ABHD2: variants seen among roughly 807,000 people sequenced by gnomAD.
ABHD2 encodes abhydrolase domain containing 2, acylglycerol lipase, also known as monoacylglycerol lipase ABHD2.
Under a neutral mutation model 48.1 loss-of-function variants are expected in ABHD2, and 20 were observed. The observed-to-expected ratio is 0.42, with a 90% CI of 0.29 to 0.60. The LOEUF (loss-of-function observed/expected upper bound fraction) is 0.60, where lower values mean the gene tolerates loss of function less well. Ranked by LOEUF, ABHD2 falls within the 20% of genes least tolerant of loss-of-function variation. ABHD2 has a pLI of 0.24. For missense variants in ABHD2, 405 were observed against 550.9 expected (o/e 0.74, Z 2.65); for synonymous variants, 209 against 214.2 (o/e 0.98, Z 0.21).
At chr15:89,073,461 A>AT in the ABHD2 span, among the ~76,000 whole-genome samples, 1 of 152,008 alleles carries the variant, frequency 6.6e-6, no homozygotes, top group Non-Finnish European at 1.5e-5. Flanking sequence ...ATGCCTGGTA[A>AT]TTTTTTTGTA....
rs1197231006 is a variant in ABHD2, at chr15:89,195,368, A to G, written c.1223A>G (p.Glu408Gly). The change falls in exon 11 of 11, where the codon GAG becomes GGG. Residue 408 changes from glutamate (E) to glycine (G), a missense_variant. Glu to Gly is a moderately conservative substitution (Grantham distance 98, BLOSUM62 -2). Coordinates refer to ENST00000352732, the MANE Select transcript of ABHD2 (RefSeq NM_152924.5). This position sits in a 1 kb window ranked among gnomAD's most constrained non-coding sequence, Gnocchi z 5.1. ...TACGCCAACGCCATTTGCCAATGGG[A>G]GCGTAACAAGTTGCAGTGCTCTGAC... ...VEYANAICQW[E>G]RNKLQCSDTE... 2 of 1,614,032 alleles carry G rather than the reference A, an allele frequency of 1.2e-6. No homozygotes were observed. Among genetic ancestry groups the G allele is most frequent in the Non-Finnish European group, 1.7e-6 (2 of 1,180,050 alleles).
intron 6 of ABHD2, chr15:89,183,380 AAAAAATATATATATATAT>A (rs1236513157): frequency 5.1e-5 from 3 of 58,412 alleles, no homozygotes; most frequent in Non-Finnish European, 6.5e-5. Context: ...AAAAAAAAAA[AAAAAATATATATATATAT>A]ATATATATAT....
intron 6 of ABHD2, among the ~76,000 whole-genome samples, chr15:89,180,351 A>C (rs571090657): frequency 4.6e-5 from 7 of 152,218 alleles, no homozygotes; most frequent in Admixed American, 3.9e-4. Flanking sequence ...CTGCAAAAGG[A>C]AAAGATTCTG....
intron 1 of ABHD2, among the ~76,000 whole-genome samples, chr15:89,101,999 A>G (rs293380): frequency 0.49 from 75,077 of 152,050 alleles, 20,204 homozygotes; most frequent in African/African-American, 0.71. Flanking sequence ...GCACCTGTGT[A>G]GCGTCATTTT....
the ABHD2 span, among the ~76,000 whole-genome samples, chr15:89,069,195 A>C: frequency 6.7e-6 from 1 of 148,836 alleles, no homozygotes; most frequent in African/African-American, 2.5e-5. Context: ...GCACAATCAT[A>C]GCTCACTGCA....
the ABHD2 span, among the ~76,000 whole-genome samples, chr15:89,044,762 T>C: frequency 6.6e-6 from 1 of 152,306 alleles, no homozygotes; most frequent in Admixed American, 6.5e-5. Flanking sequence ...TTTGTTTTTT[T>C]CTTGTAAATT....
Position 89,184,343 on chromosome 15 carries a change from A to C in ABHD2, c.723-1081A>C, listed in dbSNP as rs2051169304. Among the ~76,000 whole-genome samples, 1 of 152,188 alleles carries C rather than the reference A, an allele frequency of 6.6e-6. No homozygotes were observed. Among genetic ancestry groups the C allele is most frequent in the Non-Finnish European group, 1.5e-5 (1 of 68,044 alleles). ...AAAAAATAATAAAAAACAAAACAAA[A>C]AACCTTACAAACCACCTGGTCCCCT... On this transcript the variant is annotated intron_variant, in intron 6 of 10. Transcript: ENST00000352732. This position sits in a 1 kb window ranked among gnomAD's most constrained non-coding sequence, Gnocchi z 5.1.
rs2050856961 is a variant in ABHD2, at chr15:89,167,571, CA to C, written c.539-8240del. 6.6e-6 allele frequency among the ~76,000 whole-genome samples: 1 copy of C among 152,136 alleles called. No individual in the cohort carries two copies. Among genetic ancestry groups the C allele is most frequent in the Non-Finnish European group, 1.5e-5 (1 of 68,020 alleles). On this transcript the variant is annotated intron_variant, in intron 5 of 10. Coordinates refer to ENST00000352732, the MANE Select transcript of ABHD2 (RefSeq NM_152924.5). This position sits in a 1 kb window ranked among gnomAD's most constrained non-coding sequence, Gnocchi z 5.5. ...ATATCTGAATACTTAAACCTTTAGC[CA>C]TAAGAGGGCAGTTTTAGGCATCCTA...
In ABHD2 at chr15:89,167,657, G is replaced by A. The variant is rs575181633; in HGVS notation, c.539-8155G>A. On this transcript the variant is annotated intron_variant, in intron 5 of 10. Transcript: ENST00000352732. This position sits in a 1 kb window ranked among gnomAD's most constrained non-coding sequence, Gnocchi z 5.5. ...TTAAAATCCTTATTTCAGAGATAAG[G>A]GCAAGGCCAACTAATTTGATAGCAC... Among the ~76,000 whole-genome samples the A allele has an allele frequency of 1.3e-5, 2 of 152,232 alleles. No individual in the cohort carries two copies. Among genetic ancestry groups the A allele is most frequent in the South Asian group, 4.2e-4 (2 of 4,812 alleles).
Position 89,186,248 on chromosome 15 carries a change from T to C in ABHD2, c.815+732T>C, listed in dbSNP as rs950619118. ...GTTTCGGCGCCTCCCTGCTCGGAGTTTGAGCCTCTCCTTATTCTTCATGCT... is the reference window on the plus strand; with the variant it reads ...GTTTCGGCGCCTCCCTGCTCGGAGTCTGAGCCTCTCCTTATTCTTCATGCT... On this transcript the variant is annotated intron_variant, in intron 7 of 10. Coordinates refer to ENST00000352732, the MANE Select transcript of ABHD2 (RefSeq NM_152924.5). This position sits in a 1 kb window ranked among gnomAD's most constrained non-coding sequence, Gnocchi z 4.3. 2.0e-5 allele frequency among the ~76,000 whole-genome samples: 3 copies of C among 152,192 alleles called. No homozygotes were observed. The highest frequency in any genetic ancestry group is 4.4e-5 in the Non-Finnish European group (3 of 68,046).
chr15:89,084,402 C>A (rs964275626), upstream of ABHD2, among the ~76,000 whole-genome samples: 3 of 152,086 alleles, frequency 2.0e-5, no homozygotes, highest in African/African-American at 7.2e-5. The surrounding 1 kb of genome is among the most constrained non-coding windows in gnomAD (Gnocchi z 4.4). Context: ...TAGGTTCAAG[C>A]GATTCTCCTG....
rs943652214 is a variant in ABHD2 at position 89,094,957 on chromosome 15, G to A, written c.-107+6394G>A. Reference sequence around the variant, plus strand: ...TTCACACTCAGAATCCCAGCTACTCGGGAAGCTGAAGCAGGAGAATCACTT... The same window carrying A: ...TTCACACTCAGAATCCCAGCTACTCAGGAAGCTGAAGCAGGAGAATCACTT... On this transcript the variant is annotated intron_variant, in intron 1 of 10. Transcript: ENST00000352732. This position sits in a 1 kb window ranked among gnomAD's most constrained non-coding sequence, Gnocchi z 4.7. Among the ~76,000 whole-genome samples the A allele has an allele frequency of 4.6e-5, 7 of 151,146 alleles. No individual in the cohort carries two copies. Among genetic ancestry groups the A allele is most frequent in the South Asian group, 4.2e-4 (2 of 4,788 alleles).
the ABHD2 span, among the ~76,000 whole-genome samples, chr15:89,051,770 C>A: frequency 1.3e-5 from 2 of 152,262 alleles, no homozygotes; most frequent in South Asian, 2.1e-4. Context: ...GTGAGGTGTC[C>A]CCAGCCATCT....
rs1365916999 is a variant in ABHD2 at position 89,177,345 on chromosome 15, G to T, written c.722+1350G>T. On this transcript the variant is annotated intron_variant, in intron 6 of 10. Transcript: ENST00000352732. The surrounding 1 kb of genome is among the most constrained non-coding windows in gnomAD (Gnocchi z 5.6). Reference sequence around the variant, plus strand: ...CATTCACTGTAAAATGAAGGAGGTGGGTTCGATCGGCGGATCACAAAGACC... The same window carrying T: ...CATTCACTGTAAAATGAAGGAGGTGTGTTCGATCGGCGGATCACAAAGACC... 6.6e-6 allele frequency among the ~76,000 whole-genome samples: 1 copy of T among 152,142 alleles called. No individual in the cohort carries two copies. Among genetic ancestry groups the T allele is most frequent in the Non-Finnish European group, 1.5e-5 (1 of 68,038 alleles).
In ABHD2 at chr15:89,188,737, G is replaced by A. The variant is rs1051537682; in HGVS notation, c.926+434G>A. ...AACAAGAGTAGAAAAACTGGCTGGG[G>A]GCAGTGTCTCATGCCTGTAATCCTA... On this transcript the variant is annotated intron_variant, in intron 8 of 10. Transcript: ENST00000352732. This position sits in a 1 kb window ranked among gnomAD's most constrained non-coding sequence, Gnocchi z 4.1. Among the ~76,000 whole-genome samples the A allele has an allele frequency of 6.6e-6, 1 of 152,088 alleles. No individual in the cohort carries two copies. The highest frequency in any genetic ancestry group is 2.4e-5 in the African/African-American group (1 of 41,396).
Position 89,185,690 on chromosome 15 carries a change from C to T in ABHD2, c.815+174C>T, listed in dbSNP as rs1456420874. Among the ~76,000 whole-genome samples the T allele has an allele frequency of 1.3e-5, 2 of 152,170 alleles. No individual in the cohort carries two copies. The highest frequency in any genetic ancestry group is 3.9e-4 in the East Asian group (2 of 5,190). ...TGATTAGAAACAAACTTGTCTTGGC[C>T]AGGCGCGGTGGCTCACGCCTGTAAC... On this transcript the variant is annotated intron_variant, in intron 7 of 10. Coordinates refer to ENST00000352732, the MANE Select transcript of ABHD2 (RefSeq NM_152924.5). This position sits in a 1 kb window ranked among gnomAD's most constrained non-coding sequence, Gnocchi z 5.9.
intron 1 of ABHD2, among the ~76,000 whole-genome samples, chr15:89,107,787 T>C (rs2049809826): frequency 6.6e-6 from 1 of 152,156 alleles, no homozygotes; most frequent in Non-Finnish European, 1.5e-5. Flanking sequence ...GGTTTGGTTT[T>C]CCTTGAGAGG....
chr15:89,198,266 T>C lies in ABHD2; in HGVS notation c.*2843T>C, dbSNP rs996394769. The C allele has an allele frequency of 6.6e-6, 1 of 152,230 alleles. No homozygotes were observed. The highest frequency in any genetic ancestry group is 2.4e-5 in the African/African-American group (1 of 41,452). The allele number at this position is 152,230 out of a possible 1,614,324, so 9.4% of individuals were successfully genotyped here. A position where few individuals can be genotyped will look rare whatever the true frequency, so the allele number is the denominator to read the frequency against. On this transcript the variant is annotated 3_prime_UTR_variant, in exon 11 of 11. Transcript: ENST00000352732. This position sits in a 1 kb window ranked among gnomAD's most constrained non-coding sequence, Gnocchi z 5.1. Reference sequence around the variant, plus strand: ...GGACAATTCCATTGCAGGAATAATATGTTAAAAACCAATGGGGAGAAGCAC... The same window carrying C: ...GGACAATTCCATTGCAGGAATAATACGTTAAAAACCAATGGGGAGAAGCAC...
At chr15:89,148,439 T>C (rs1301640327) in intron 3 of ABHD2, among the ~76,000 whole-genome samples, 2 of 152,214 alleles carry the variant, frequency 1.3e-5, no homozygotes, top group African/African-American at 4.8e-5. Flanking sequence ...ATGTAAAAGA[T>C]TAATAATGCC....
Sources: gnomAD v4.1 joint callset for allele counts (sites outside exome capture counted in the v4.1 genomes callset) on GRCh38, gnomAD v4.1.1 for gene constraint, Gnocchi (gnomAD v3.1) non-coding constraint, MANE v1.5 for transcripts, NCBI Gene and HGNC (gene_info 2026-07-23, HGNC 2026-07-21) for gene names.